The following BCLAF3 variants were observed in gnomAD, a reference collection of about 807,000 sequenced individuals.
The protein encoded by BCLAF3 is BCLAF1 and THRAP3 family member 3.
Under a neutral mutation model 51.2 loss-of-function variants are expected in BCLAF3, and 24 were observed. That is an observed-to-expected ratio of 0.47 (90% confidence interval 0.34 to 0.66). The LOEUF is 0.66. BCLAF3 is among the 30% of genes least tolerant of loss of function. The pLI, the probability that BCLAF3 is intolerant of heterozygous loss-of-function variation, is 0.01. For missense variants in BCLAF3, 465 were observed against 525.1 expected (o/e 0.89, Z 1.12); for synonymous variants, 152 against 176.6 (o/e 0.86, Z 1.10).
chrX:19,929,753 A>G, intron 11 of BCLAF3, 32 bp downstream of exon 11: 2 of 1,157,855 alleles, frequency 1.7e-6, no homozygotes, highest in Middle Eastern at 2.4e-4. Context: ...AAAAGTCACT[A>G]AACATTTTTA....
Position 19,965,438 on chromosome X carries a change from C to G in BCLAF3, c.880G>C (p.Asp294His). 8.3e-7 allele frequency: 1 copy of G among 1,211,845 alleles called. No homozygotes were observed. The highest frequency in any genetic ancestry group is 1.1e-6 in the Non-Finnish European group (1 of 895,566). Residue 294 changes from aspartate to histidine, a missense_variant, in exon 4 of 12, where the codon GAC becomes CAC. Coordinates refer to ENST00000379682, the MANE Select transcript of BCLAF3 (RefSeq NM_001367774.2). ...KRPKLLDGDQ[D>H]FSDGRTQKYC... ...TTCTGAGTTCTCCCATCAGAAAAGT[C>G]CTGGTCCCCATCCAAGAGCTTAGGA...
At chrX:19,965,762 A>C in intron 3 of BCLAF3, 56 bp from the exon 4 acceptor site, 2 of 1,055,820 alleles carry the variant, frequency 1.9e-6, no homozygotes, top group Non-Finnish European at 2.5e-6. Flanking sequence ...GGGAGAATTT[A>C]TATGTGTAGA....
chrX:19,978,105 G>A (rs770853556), intron 1 of BCLAF3, among the ~76,000 whole-genome samples: 15 of 112,165 alleles, frequency 1.3e-4, no homozygotes, highest in Non-Finnish European at 2.4e-4. Flanking sequence ...TATACAAGGA[G>A]ATTAATGCTG....
intron 5 of BCLAF3, chrX:19,954,356 C>T (rs1410648825): frequency 5.8e-6 from 1 of 173,271 alleles, no homozygotes; most frequent in Non-Finnish European, 9.2e-6. Context: ...TGCCACTTTA[C>T]TTTAATTCAC....
At chrX:19,932,471 T>C (rs751257845) in intron 10 of BCLAF3, among the ~76,000 whole-genome samples, 143 of 108,458 alleles carry the variant, frequency 1.3e-3, no homozygotes, top group Non-Finnish European at 2.6e-3. Context: ...ATTTCGTTTA[T>C]AGAAAGTTAG....
At chrX:19,968,662 C>T (rs1053927115) in intron 2 of BCLAF3, among the ~76,000 whole-genome samples, 3 of 112,929 alleles carry the variant, frequency 2.7e-5, no homozygotes, top group Non-Finnish European at 3.7e-5. Context: ...CAAGAGTGCC[C>T]TGTGGCAGGC....
intron 6 of BCLAF3, 26 bp downstream of exon 6, chrX:19,953,752 G>A: frequency 1.8e-6 from 2 of 1,114,768 alleles, no homozygotes; most frequent in Non-Finnish European, 2.5e-6. Flanking sequence ...TAGTTAAATG[G>A]GTATAATATG....
chrX:19,959,546 G>A (rs1223598273), intron 4 of BCLAF3, among the ~76,000 whole-genome samples: 1 of 110,434 alleles, frequency 9.1e-6, no homozygotes, highest in Non-Finnish European at 1.9e-5. Flanking sequence ...GCAGAGGCAG[G>A]AGGATTGCTT....
At chrX:19,990,199 A>G (rs1321867720) in intron 1 of BCLAF3, among the ~76,000 whole-genome samples, 1 of 109,548 alleles carries the variant, frequency 9.1e-6, no homozygotes, top group Non-Finnish European at 1.9e-5. Flanking sequence ...AAAGCACCTG[A>G]GTAGGAAAAT....
intron 1 of BCLAF3, among the ~76,000 whole-genome samples, chrX:19,978,260 G>A (rs1347097611): frequency 8.9e-6 from 1 of 112,109 alleles, no homozygotes; most frequent in Non-Finnish European, 1.9e-5. Context: ...TCTGGGGAAA[G>A]TCAATTGAAA....
At chrX:19,984,689 C>CT (rs1314071005) in intron 1 of BCLAF3, among the ~76,000 whole-genome samples, 50 of 104,658 alleles carry the variant, frequency 4.8e-4, no homozygotes, top group East Asian at 8.7e-4. Context: ...TAAAATTATA[C>CT]TTTTTTTTTT....
At chrX:19,919,501 C>T (rs778758391) in intron 11 of BCLAF3, among the ~76,000 whole-genome samples, 3 of 99,126 alleles carry the variant, frequency 3.0e-5, no homozygotes, top group Admixed American at 1.1e-4. Flanking sequence ...GAGCTGAGAT[C>T]GTGCCATTGC....
chrX:19,964,915 G>T, intron 4 of BCLAF3, 129 bp downstream of exon 4: 1 of 536,942 alleles, frequency 1.9e-6, no homozygotes, highest in Non-Finnish European at 2.8e-6. Flanking sequence ...TTTTTTTTGG[G>T]GGGGAAAATT....
rs188102030 is a variant in BCLAF3, at chrX:19,975,412, C to T, written c.-34-5114G>A. Among the ~76,000 whole-genome samples, 545 of 107,523 alleles carry T rather than the reference C, an allele frequency of 5.1e-3. 3 individuals carry two copies. The highest frequency in any genetic ancestry group is 0.018 in the African/African-American group (527 of 29,290). The allele number at this position is 107,523 out of a possible 115,157, so 93.4% of individuals were successfully genotyped here. On this transcript the variant is annotated intron_variant, in intron 1 of 11. Coordinates refer to ENST00000379682, the MANE Select transcript of BCLAF3 (RefSeq NM_001367774.2). Reference sequence around the variant, plus strand: ...AGGGTGGAGTGCAGTGCTGCGATCTCGGCTCACTGCAACCTCCACCTCCCG... The same window carrying T: ...AGGGTGGAGTGCAGTGCTGCGATCTTGGCTCACTGCAACCTCCACCTCCCG...
chrX:19,946,908 T>C (rs1389879427), intron 8 of BCLAF3, among the ~76,000 whole-genome samples: 3 of 112,356 alleles, frequency 2.7e-5, no homozygotes, highest in African/African-American at 9.7e-5. Flanking sequence ...AATAAAACCA[T>C]ATCACACATG....
intron 1 of BCLAF3, chrX:19,985,199 C>CA (rs1186531787): frequency 9.0e-6 from 1 of 111,307 alleles, no homozygotes; most frequent in Admixed American, 9.6e-5. Flanking sequence ...AAGCAGTAAT[C>CA]AGAGGAAAAT....
chrX:19,923,845 A>ATT (rs561594796), intron 11 of BCLAF3, among the ~76,000 whole-genome samples: 2 of 90,134 alleles, frequency 2.2e-5, no homozygotes, highest in African/African-American at 8.3e-5. Flanking sequence ...TTATTTATTT[A>ATT]TTTTTTTTTT....
At chrX:19,955,964 T>C (rs1383144843) in intron 4 of BCLAF3, among the ~76,000 whole-genome samples, 1 of 112,032 alleles carries the variant, frequency 8.9e-6, no homozygotes, top group Non-Finnish European at 1.9e-5. Flanking sequence ...CTACCACACT[T>C]TAAAAGCTGA....
chrX:19,990,142 GAAAAAAA>G lies in BCLAF3; in HGVS notation c.-35+759_-35+765del, dbSNP rs376381001. Among the ~76,000 whole-genome samples, 177 of 50,799 alleles carry G rather than the reference GAAAAAAA, an allele frequency of 3.5e-3. 2 individuals carry two copies. The East Asian group carries it at 0.056, about 16-fold the overall frequency. 44.1% of individuals were successfully genotyped at this position (50,799 alleles called of 115,157 possible). On this transcript the variant is annotated intron_variant, in intron 1 of 11. Transcript: ENST00000379682. ...ACCTGCAGTTTGTAATTTGTTCCAG[GAAAAAAA>G]AAAAAAAAAAAAAAGGCAATCACCT...
Sources: gnomAD v4.1 joint callset for allele counts (sites outside exome capture counted in the v4.1 genomes callset) on GRCh38, gnomAD v4.1.1 for gene constraint, MANE v1.5 for transcripts, NCBI Gene and HGNC (gene_info 2026-07-23, HGNC 2026-07-21) for gene names.